ARHGEF9: variants seen among roughly 807,000 people sequenced by gnomAD.
The protein encoded by ARHGEF9 is Cdc42 guanine nucleotide exchange factor 9, also known as rho guanine nucleotide exchange factor 9.
A neutral mutation model predicts 41.3 loss-of-function variants in ARHGEF9; 2 were observed. That is an observed-to-expected ratio of 0.05 (90% CI 0.02 to 0.15). The LOEUF (loss-of-function observed/expected upper bound fraction) is 0.15. Ranked by LOEUF, ARHGEF9 falls within the 10% of genes least tolerant of loss-of-function variation. The probability of loss-of-function intolerance (pLI) is 1.00; values close to 1 mark genes in which losing one functional copy is unlikely to be tolerated. For missense variants in ARHGEF9, 225 were observed against 424.7 expected, an observed-to-expected ratio of 0.53 and a Z score of 4.13; for synonymous variants, 160 against 154.4, an observed-to-expected ratio of 1.04 and a Z score of -0.27.
At chrX:63,736,918 A>T (rs1272790978) in intron 1 of ARHGEF9, 1 of 111,971 alleles carries the variant, frequency 8.9e-6, no homozygotes. Flanking sequence ...AACTCCACAA[A>T]ATAGAAATTA....
At chrX:63,648,300 A>T (rs1569430553) in intron 8 of ARHGEF9, among the ~76,000 whole-genome samples, 1 of 111,547 alleles carries the variant, frequency 9.0e-6, no homozygotes, top group South Asian at 3.8e-4. Flanking sequence ...AATATTGAAC[A>T]TTCTTAAAGA....
chrX:63,771,081 G>A (rs1337927926), intron 1 of ARHGEF9, among the ~76,000 whole-genome samples: 3 of 112,083 alleles, frequency 2.7e-5, no homozygotes, highest in Non-Finnish European at 3.8e-5. Flanking sequence ...GCTGAGTAAG[G>A]TTGTATCTCA....
chrX:63,761,490 C>G lies in ARHGEF9; in HGVS notation c.30+23626G>C, dbSNP rs1267569373. ...TGAGTGAATGAAGAGCAAGGCATAG[C>G]CCTGAGGACTCGCAATGTAAAATGT... On this transcript the variant is annotated intron_variant, in intron 1 of 9. Coordinates refer to ENST00000671741, the MANE Select transcript of ARHGEF9 (RefSeq NM_001353921.2). 2.7e-5 allele frequency among the ~76,000 whole-genome samples: 3 copies of G among 111,020 alleles called. No homozygotes were observed. In the East Asian group the frequency reaches 8.5e-4, roughly 32 times the overall value.
At chrX:63,644,167 CAAAA>C in intron 8 of ARHGEF9, 119 bp from the exon 9 acceptor site, 1 of 358,561 alleles carries the variant, frequency 2.8e-6, no homozygotes, top group Non-Finnish European at 4.5e-6. Context: ...TCTTGAAATA[CAAAA>C]AAAAAAAAAA....
intron 1 of ARHGEF9, among the ~76,000 whole-genome samples, chrX:63,780,592 A>G (rs1430067021): frequency 1.8e-5 from 2 of 112,291 alleles, no homozygotes; most frequent in Non-Finnish European, 3.8e-5. Context: ...GAAATAAAAC[A>G]CTCCTTCCTT....
intron 7 of ARHGEF9, 77 bp from the exon 8 acceptor site, chrX:63,655,814 A>T: frequency 8.7e-7 from 1 of 1,144,529 alleles, no homozygotes; most frequent in East Asian, 3.0e-5. Flanking sequence ...GGCACAGCAG[A>T]ATGCTAACAC....
chrX:63,702,524 G>T (rs1170526097), intron 3 of ARHGEF9, among the ~76,000 whole-genome samples: 1 of 112,194 alleles, frequency 8.9e-6, no homozygotes, highest in Non-Finnish European at 1.9e-5. Flanking sequence ...TAAAATAAGG[G>T]TGTTATAACT....
chrX:63,658,918 C>T lies in ARHGEF9; in HGVS notation c.1078-3181G>A, dbSNP rs782679692. On this transcript the variant is annotated intron_variant, in intron 7 of 9. Transcript: ENST00000671741. ...GTCACACTAATAGCTGCTCTCTGGC[C>T]CAACTATGCTTCCTATTCCAATCTT... Among the ~76,000 whole-genome samples the T allele has an allele frequency of 2.7e-5, 3 of 111,634 alleles. No homozygotes were observed. In the East Asian group the frequency reaches 8.5e-4, roughly 31 times the overall value.
chrX:63,696,985 A>G lies in ARHGEF9; in HGVS notation c.582+140T>C, dbSNP rs2051796471. On this transcript the variant is annotated intron_variant, in intron 4 of 9. Transcript: ENST00000671741. ...AGTCCTTGTTTCCTGGCTAGAGACC[A>G]GGGGTCAAAATGAAGGCCCAAGAGG... is the stretch of plus-strand genomic sequence containing the variant. 5 of 613,522 alleles carry G rather than the reference A, an allele frequency of 8.1e-6. No individual in the cohort carries two copies. In the East Asian group the frequency reaches 1.8e-4, roughly 22 times the overall value. The allele number at this position is 613,522 out of a possible 1,213,427, so 50.6% of individuals were successfully genotyped here.
rs374436449 is a variant in ARHGEF9 at position 63,754,623 on chromosome X, C to T, written c.31-29912G>A. The T allele has an allele frequency of 3.5e-5, 36 of 1,020,994 alleles. No homozygotes were observed. In the East Asian group the frequency reaches 5.6e-4, roughly 16 times the overall value. The allele number at this position is 1,020,994 out of a possible 1,213,427, so 84.1% of individuals were successfully genotyped here. ...TGTAGTGTTCCAGGTGGGGGGCCGG[C>T]AGATTGGGAGATGTCAGTCTCTGTT... is the stretch of plus-strand genomic sequence containing the variant. On this transcript the variant is annotated intron_variant, in intron 1 of 9. Transcript: ENST00000671741.
At chrX:63,769,026 C>T (rs2056159282) in intron 1 of ARHGEF9, among the ~76,000 whole-genome samples, 1 of 111,789 alleles carries the variant, frequency 8.9e-6, no homozygotes, top group African/African-American at 3.3e-5. Flanking sequence ...AACTTTGGAA[C>T]TGGGTAACAG....
At chrX:63,654,700 C>T (rs1206216664) in intron 8 of ARHGEF9, among the ~76,000 whole-genome samples, 2 of 111,694 alleles carry the variant, frequency 1.8e-5, no homozygotes, top group East Asian at 5.6e-4. Context: ...TTCAGGCCTT[C>T]TAAAGTACAA....
chrX:63,724,128 CGAG>C (rs782448625), intron 2 of ARHGEF9, among the ~76,000 whole-genome samples: 13 of 108,825 alleles, frequency 1.2e-4, no homozygotes, highest in African/African-American at 2.7e-4. Context: ...GAAGAAACTA[CGAG>C]AAGAAAGAAT....
intron 1 of ARHGEF9, 175 bp from the exon 2 acceptor site, chrX:63,724,886 C>G: frequency 2.1e-6 from 1 of 476,113 alleles, no homozygotes; most frequent in Non-Finnish European, 3.7e-6. Context: ...ACAAACAATA[C>G]TGTCAACTCT....
chrX:63,682,234 G>C (rs1382177345), intron 4 of ARHGEF9, among the ~76,000 whole-genome samples: 6 of 111,281 alleles, frequency 5.4e-5, no homozygotes, highest in Non-Finnish European at 1.1e-4. Context: ...CAAGAAAAGG[G>C]CCAGGCGCTG....
At chrX:63,714,444 ATC>A (rs1365462453) in intron 2 of ARHGEF9, among the ~76,000 whole-genome samples, 1 of 112,258 alleles carries the variant, frequency 8.9e-6, no homozygotes, top group African/African-American at 3.2e-5. Context: ...AGGGGGATGC[ATC>A]AAAGTGGCAG....
intron 2 of ARHGEF9, among the ~76,000 whole-genome samples, chrX:63,721,369 T>C (rs1331823203): frequency 9.0e-6 from 1 of 110,701 alleles, no homozygotes; most frequent in African/African-American, 3.3e-5. Context: ...AAATAAAGAA[T>C]TTGAAAGAAC....
intron 1 of ARHGEF9, among the ~76,000 whole-genome samples, chrX:63,778,103 C>G (rs1556459876): frequency 8.8e-6 from 1 of 113,102 alleles, no homozygotes; most frequent in African/African-American, 3.2e-5. Context: ...GAGGGCTCCA[C>G]TGCTGCATTG....
At chrX:63,668,685 A>G (rs1556351700) in intron 6 of ARHGEF9, among the ~76,000 whole-genome samples, 1 of 112,010 alleles carries the variant, frequency 8.9e-6, no homozygotes, top group East Asian at 2.8e-4. Flanking sequence ...AGCTCAACAT[A>G]AGTGATACTT....
Sources: gnomAD v4.1 joint callset for allele counts (sites outside exome capture counted in the v4.1 genomes callset) on GRCh38, gnomAD v4.1.1 for gene constraint, MANE v1.5 for transcripts, NCBI Gene and HGNC (gene_info 2026-07-23, HGNC 2026-07-21) for gene names.